The following GLI3 variants were observed in gnomAD, a reference collection of about 807,000 sequenced individuals.
The protein encoded by GLI3 is GLI family zinc finger 3.
Under a neutral mutation model 100.8 loss-of-function variants are expected in GLI3, and 20 were observed. That is an observed-to-expected ratio of 0.20 (90% CI 0.14 to 0.29). The LOEUF is 0.29. Ranked by LOEUF, GLI3 falls within the 10% of genes least tolerant of loss-of-function variation. The pLI, the probability that GLI3 is intolerant of heterozygous loss-of-function variation, is 1.00. For synonymous variants in GLI3, 938 were observed against 860.5 expected (o/e 1.09, Z -1.58); for missense variants, 2,040 against 2,128.5 (o/e 0.96, Z 0.82).
intron 2 of GLI3, among the ~76,000 whole-genome samples, chr7:42,161,802 C>T (rs1787136005): frequency 6.6e-6 from 1 of 152,154 alleles, no homozygotes; most frequent in Non-Finnish European, 1.5e-5. Context: ...CCTCTTCCCA[C>T]ATAATTGGGA....
At chr7:42,102,264 A>T (rs546612212) in intron 3 of GLI3, among the ~76,000 whole-genome samples, 2 of 152,042 alleles carry the variant, frequency 1.3e-5, no homozygotes, top group African/African-American at 4.8e-5. Context: ...TCATTTTTTT[A>T]AAAAATCCAT....
intron 10 of GLI3, among the ~76,000 whole-genome samples, chr7:41,991,364 C>T (rs900843645): frequency 6.6e-6 from 1 of 152,172 alleles, no homozygotes; most frequent in Non-Finnish European, 1.5e-5. Flanking sequence ...CTTCGGCATG[C>T]TTTTCAACCT....
At chr7:41,971,222 C>G (rs770187648) in intron 13 of GLI3, among the ~76,000 whole-genome samples, 1 of 152,190 alleles carries the variant, frequency 6.6e-6, no homozygotes, top group South Asian at 2.1e-4. Flanking sequence ...GCTCTCCATC[C>G]GATAGACTGC....
At chr7:42,035,469 C>T (rs763507880) in intron 7 of GLI3, among the ~76,000 whole-genome samples, 2 of 152,152 alleles carry the variant, frequency 1.3e-5, no homozygotes, top group East Asian at 1.9e-4. Flanking sequence ...TGTTTTGTGA[C>T]GCTGGAGATC....
chr7:42,115,583 G>C (rs1785833027), intron 3 of GLI3, among the ~76,000 whole-genome samples: 1 of 152,052 alleles, frequency 6.6e-6, no homozygotes, highest in African/African-American at 2.4e-5. Flanking sequence ...CAGGCCCCCG[G>C]GCTGCTATTA....
rs543087804 is a variant in GLI3 at position 42,195,901 on chromosome 7, A to G, written c.124+27229T>C. On this transcript the variant is annotated intron_variant, in intron 2 of 14. Transcript: ENST00000395925. ...GCCAAATGAGCAGACACAGTGTGTC[A>G]GTTTCTATGTATCTTGGCTCTAACT... Among the ~76,000 whole-genome samples, 6 of 152,358 alleles carry G rather than the reference A, an allele frequency of 3.9e-5. No homozygotes were observed. The East Asian group carries it at 1.2e-3, about 29-fold the overall frequency.
chr7:41,987,793 C>T (rs1179187170), intron 10 of GLI3, among the ~76,000 whole-genome samples: 1 of 152,186 alleles, frequency 6.6e-6, no homozygotes, highest in Non-Finnish European at 1.5e-5. Flanking sequence ...TTCAGAATCT[C>T]TATCTTTTCA....
intron 2 of GLI3, among the ~76,000 whole-genome samples, chr7:42,158,577 C>T (rs1000724521): frequency 2.0e-5 from 3 of 151,838 alleles, no homozygotes; most frequent in Non-Finnish European, 4.4e-5. Flanking sequence ...ACAACCTCTG[C>T]CTCCCAGGTT....
intron 1 of GLI3, among the ~76,000 whole-genome samples, chr7:42,256,715 G>A (rs1429732486): frequency 6.6e-6 from 1 of 152,078 alleles, no homozygotes; most frequent in African/African-American, 2.4e-5. Flanking sequence ...TTTGTAGTAT[G>A]AGGCTTCCAA....
intron 10 of GLI3, among the ~76,000 whole-genome samples, chr7:42,022,753 G>T (rs943568928): frequency 1.3e-5 from 2 of 152,176 alleles, no homozygotes; most frequent in African/African-American, 4.8e-5. Context: ...TGGGAAGGGG[G>T]TATCACAAAT....
intron 7 of GLI3, among the ~76,000 whole-genome samples, chr7:42,034,209 T>A (rs1401974154): frequency 6.6e-6 from 1 of 152,200 alleles, no homozygotes; most frequent in Non-Finnish European, 1.5e-5. Context: ...AAATAGCATT[T>A]CCCGCCAATG....
intron 5 of GLI3, among the ~76,000 whole-genome samples, chr7:42,046,393 T>C (rs1784244804): frequency 6.6e-6 from 1 of 152,214 alleles, no homozygotes; most frequent in Non-Finnish European, 1.5e-5. Context: ...ACTCTAGTGA[T>C]AGGTTTGTGG....
chr7:41,990,384 A>C (rs765327202), intron 10 of GLI3, among the ~76,000 whole-genome samples: 1 of 152,138 alleles, frequency 6.6e-6, no homozygotes, highest in Non-Finnish European at 1.5e-5. Flanking sequence ...ATTCCAAGAA[A>C]ATTCAAAAGT....
intron 9 of GLI3, among the ~76,000 whole-genome samples, chr7:42,024,607 T>G (rs1333671702): frequency 6.6e-6 from 1 of 152,190 alleles, no homozygotes; most frequent in African/African-American, 2.4e-5. Flanking sequence ...CCTTCCTGCA[T>G]CAGGCTGAGA....
intron 4 of GLI3, among the ~76,000 whole-genome samples, chr7:42,052,794 C>G (rs1201521048): frequency 1.3e-5 from 2 of 152,134 alleles, no homozygotes; most frequent in South Asian, 2.1e-4. Context: ...CTCTCGTGAG[C>G]TGGGTTAGCA....
chr7:42,074,474 G>A (rs1174962916), intron 4 of GLI3, among the ~76,000 whole-genome samples: 1 of 152,214 alleles, frequency 6.6e-6, no homozygotes, highest in Non-Finnish European at 1.5e-5. Context: ...CACCAAGCAA[G>A]AGGAAAAGCA....
At chr7:42,079,434 A>C (rs1784952933) in intron 3 of GLI3, among the ~76,000 whole-genome samples, 1 of 152,206 alleles carries the variant, frequency 6.6e-6, no homozygotes, top group Admixed American at 6.5e-5. Context: ...TCAGATTCAA[A>C]TCCGGGTGAG....
intron 2 of GLI3, among the ~76,000 whole-genome samples, chr7:42,170,928 T>A (rs1787359798): frequency 6.6e-6 from 1 of 152,214 alleles, no homozygotes; most frequent in African/African-American, 2.4e-5. Flanking sequence ...CTGTGAGCTT[T>A]TTGTGGCTTC....
intron 1 of GLI3, among the ~76,000 whole-genome samples, chr7:42,244,326 T>C (rs1788952024): frequency 1.3e-5 from 2 of 152,254 alleles, no homozygotes; most frequent in South Asian, 2.1e-4. Context: ...TTCATTCTGC[T>C]AACTTCTTAA....
Sources: allele counts gnomAD v4.1 joint callset (sites outside exome capture counted in the v4.1 genomes callset), GRCh38; gene constraint gnomAD v4.1.1; transcripts MANE v1.5; gene names NCBI Gene and HGNC (gene_info 2026-07-23, HGNC 2026-07-21).